TYW2: variants seen among roughly 807,000 people sequenced by gnomAD.
TYW2 encodes the protein tRNA wybutosine-synthesizing protein 2 homolog.
the TYW2 span, chr8:124,451,843 G>A: frequency 1.2e-6 from 2 of 1,614,176 alleles, no homozygotes; most frequent in Non-Finnish European, 1.7e-6. Flanking sequence ...TGCAGATAGG[G>A]TGATCCTGGG....
chr8:124,451,695 T>C, the TYW2 span: 1 of 1,614,244 alleles, frequency 6.2e-7, no homozygotes. Context: ...TAGTTCATGC[T>C]GGTGCTGCCT....
At chr8:124,452,326 G>T in the TYW2 span, 2 of 1,574,806 alleles carry the variant, frequency 1.3e-6, no homozygotes, top group South Asian at 2.3e-5. Context: ...GCCCTTAAAT[G>T]TATCAGTTCA....
chr8:124,450,921 T>G, the TYW2 span: 1 of 1,609,492 alleles, frequency 6.2e-7, no homozygotes, highest in African/African-American at 1.3e-5. Context: ...GGAGTATCGC[T>G]GAGGTGATGA....
the TYW2 span, chr8:124,452,563 G>A: frequency 5.3e-4 from 209 of 391,080 alleles, no homozygotes; most frequent in Non-Finnish European, 5.2e-5. Flanking sequence ...GTTTCAGTAT[G>A]TTTTGGCCTC....
the TYW2 span, chr8:124,452,419 C>G: frequency 1.1e-5 from 8 of 729,404 alleles, no homozygotes; most frequent in African/African-American, 1.4e-4. Flanking sequence ...TAGATCAATT[C>G]AAATTATTTC....
the TYW2 span, chr8:124,452,484 G>A: frequency 1.8e-6 from 1 of 558,076 alleles, no homozygotes; most frequent in Non-Finnish European, 3.2e-6. Flanking sequence ...GAAGCAGCAT[G>A]GCCCATTGAA....
the TYW2 span, chr8:124,451,171 A>G: frequency 1.9e-6 from 3 of 1,614,204 alleles, no homozygotes; most frequent in Non-Finnish European, 2.5e-6. Flanking sequence ...TGCCCCAGGC[A>G]GTCCCTGTAT....
At chr8:124,452,529 T>C in the TYW2 span, 1 of 458,080 alleles carries the variant, frequency 2.2e-6, no homozygotes, top group Admixed American at 4.0e-5. Context: ...AATTCCAAAT[T>C]CTGACCTCAG....
chr8:124,451,022 G>C, the TYW2 span: 98 of 1,614,050 alleles, frequency 6.1e-5, no homozygotes, highest in Admixed American at 4.3e-4. Context: ...TTTACCCAGC[G>C]ATACAGAGAA....
chr8:124,451,603 C>T, the TYW2 span: 1 of 1,614,192 alleles, frequency 6.2e-7, no homozygotes, highest in Non-Finnish European at 8.5e-7. Flanking sequence ...CACTGAGAAG[C>T]TTCGAGTGGC....
At chr8:124,451,895 A>C in the TYW2 span, 1 of 1,614,078 alleles carries the variant, frequency 6.2e-7, no homozygotes, top group Non-Finnish European at 8.5e-7. Flanking sequence ...ATTGCCTGCC[A>C]AGTGTTAAGG....
chr8:124,452,570 C>T, the TYW2 span: 2 of 364,378 alleles, frequency 5.5e-6, no homozygotes, highest in Non-Finnish European at 1.0e-5. Context: ...TATGTTTTGG[C>T]CTCGGGTTTC....
At chr8:124,452,345 T>A in the TYW2 span, 3 of 1,503,654 alleles carry the variant, frequency 2.0e-6, no homozygotes, top group Non-Finnish European at 2.7e-6. Flanking sequence ...CAGTCCAGGT[T>A]GTCATCCCTT....
the TYW2 span, chr8:124,450,857 A>G: frequency 3.2e-5 from 49 of 1,528,568 alleles, no homozygotes; most frequent in South Asian, 4.7e-4. Flanking sequence ...GCTGCAGGCT[A>G]CCTTATTTAA....
chr8:124,451,585 G>A, the TYW2 span: 4 of 1,614,146 alleles, frequency 2.5e-6, no homozygotes, highest in Non-Finnish European at 3.4e-6. Context: ...GTTCTCCTTT[G>A]GAAACATCAC....
the TYW2 span, chr8:124,452,512 A>G: frequency 4.1e-6 from 2 of 488,800 alleles, no homozygotes; most frequent in Non-Finnish European, 7.4e-6. Context: ...TCATCTGTGC[A>G]ATTATGAATT....
chr8:124,452,083 C>G, the TYW2 span: 1 of 1,614,214 alleles, frequency 6.2e-7, no homozygotes, highest in Non-Finnish European at 8.5e-7. Context: ...AATGCTGTCA[C>G]CAGCCACCAA....
At chr8:124,451,686 A>T in the TYW2 span, 1 of 1,614,144 alleles carries the variant, frequency 6.2e-7, no homozygotes, top group South Asian at 1.1e-5. Context: ...TGCCTTTCCT[A>T]GTTCATGCTG....
chr8:124,451,207 C>T, the TYW2 span: 13 of 1,614,082 alleles, frequency 8.1e-6, no homozygotes, highest in Non-Finnish European at 1.1e-5. Flanking sequence ...GGATCCTGTT[C>T]CTTCGAAGAG....
Sources: gnomAD v4.1 joint callset for allele counts on GRCh38, gnomAD v4.1.1 for gene constraint, MANE v1.5 for transcripts, NCBI Gene and HGNC (gene_info 2026-07-23, HGNC 2026-07-21) for gene names.